The following MICAL2 variants were observed in gnomAD, a reference collection of about 807,000 sequenced individuals.
The protein encoded by MICAL2 is microtubule associated monooxygenase, calponin and LIM domain containing 2.
Under a neutral mutation model 127.3 loss-of-function variants are expected in MICAL2, and 77 were observed. The ratio of observed to expected loss-of-function variants is 0.60; its 90% CI spans 0.50 to 0.73. MICAL2 has a LOEUF of 0.73. Among genes scored for constraint, MICAL2 ranks in the 30% least tolerant of loss-of-function variants. The pLI, the probability that MICAL2 is intolerant of heterozygous loss-of-function variation, is 0.00. For missense variants in MICAL2, 1,351 were observed against 1,434.4 expected (o/e 0.94, Z 0.94); for synonymous variants, 570 against 551.1 (o/e 1.03, Z -0.48).
At position 12,319,246 on chromosome 11, in the gene MICAL2, C is replaced by T. The variant is rs150027051; in HGVS notation, c.5213-450C>T. On this transcript the variant is annotated intron_variant, in intron 29 of 34. Transcript: ENST00000646065. The stretch of plus-strand genomic sequence containing the variant: ...CCAGATGCTGTGAGCCGCAGAAGGG[C>T]GATTTGTTTAAGAGCTGGCTCCAAC... Among the ~76,000 whole-genome samples the T allele has an allele frequency of 2.4e-3, 372 of 152,132 alleles. 1 individual carries two copies. The highest frequency in any genetic ancestry group is 8.2e-3 in the African/African-American group (341 of 41,512).
intron 4 of MICAL2, among the ~76,000 whole-genome samples, chr11:12,206,556 C>G (rs1354275995): frequency 6.6e-6 from 1 of 152,132 alleles, no homozygotes; most frequent in African/African-American, 2.4e-5. Flanking sequence ...GGATTGGGCT[C>G]TTTAAGCTGA....
chr11:12,224,389 C>T (rs1036576999), intron 12 of MICAL2: 5 of 377,278 alleles, frequency 1.3e-5, no homozygotes, highest in Non-Finnish European at 2.4e-5. Flanking sequence ...TGACTATCTT[C>T]CCCACTAGAT....
intron 3 of MICAL2, among the ~76,000 whole-genome samples, chr11:12,170,513 C>A (rs906625935): frequency 2.0e-5 from 3 of 152,206 alleles, no homozygotes; most frequent in African/African-American, 7.2e-5. Flanking sequence ...GAGAAGAACA[C>A]CTATAAGTGT....
intron 22 of MICAL2, among the ~76,000 whole-genome samples, chr11:12,251,745 G>A (rs1383994931): frequency 2.6e-5 from 4 of 152,084 alleles, no homozygotes; most frequent in African/African-American, 9.7e-5. Context: ...TGTGCTGCAG[G>A]ACAATGGAGC....
At chr11:12,355,345 A>C (rs1216837870) in intron 34 of MICAL2, among the ~76,000 whole-genome samples, 2 of 152,182 alleles carry the variant, frequency 1.3e-5, no homozygotes, top group African/African-American at 4.8e-5. Flanking sequence ...GTTCCCTCCC[A>C]GCGTGGGCAG....
At chr11:12,327,137 A>G (rs1283909340) in intron 31 of MICAL2, 3 of 1,539,052 alleles carry the variant, frequency 1.9e-6, no homozygotes, top group Admixed American at 2.0e-5. Context: ...CTCTATGTGG[A>G]AAGTCCTTGT....
At chr11:12,230,381 A>G (rs1336774326) in intron 15 of MICAL2, among the ~76,000 whole-genome samples, 2 of 152,164 alleles carry the variant, frequency 1.3e-5, no homozygotes, top group Admixed American at 6.5e-5. Flanking sequence ...TATCAGTACA[A>G]CAAAACACGC....
chr11:12,118,945 G>A (rs1248758933), intron 1 of MICAL2, among the ~76,000 whole-genome samples: 1 of 152,092 alleles, frequency 6.6e-6, no homozygotes, highest in Non-Finnish European at 1.5e-5. Context: ...CCTCTGGATG[G>A]CTTTCTGAAA....
chr11:12,164,371 C>G (rs2016388), intron 3 of MICAL2, among the ~76,000 whole-genome samples: 142,805 of 152,214 alleles, frequency 0.94, 67,516 homozygotes, highest in Non-Finnish European at 1. Context: ...ATGCTGAGGA[C>G]TGGAAGATAC....
In MICAL2 at chr11:12,203,149, G is replaced by T. The variant is rs116176213; in HGVS notation, c.265-1101G>T. On this transcript the variant is annotated intron_variant, in intron 3 of 27. Coordinates refer to ENST00000683283, the MANE Select transcript of MICAL2 (RefSeq NM_001282663.2). ...TCCATTGTGCGGATATACCACATTT[G>T]GTTTCTTCATCAGTGGTGGCCATTT... Among the ~76,000 whole-genome samples the T allele has an allele frequency of 9.7e-3, 1,469 of 152,162 alleles. 29 individuals are homozygous for T. Among genetic ancestry groups the T allele is most frequent in the African/African-American group, 0.033 (1,388 of 41,480 alleles).
Position 12,319,947 on chromosome 11 carries a change from T to TC in MICAL2, c.5328+137dup, listed in dbSNP as rs1323042409. 2.7e-4 allele frequency: 165 copies of TC among 615,774 alleles called. 2 individuals carry two copies. The highest frequency in any genetic ancestry group is 7.5e-4 in the Admixed American group (25 of 33,116). The allele number at this position is 615,774 out of a possible 1,614,324, so 38.1% of individuals were successfully genotyped here. Reference sequence around the variant, plus strand: ...TGTTTCATTGCATCTGACAGAGTGCTCTCTTTACCTTGAACACCCAAAGAA... The same window carrying TC: ...TGTTTCATTGCATCTGACAGAGTGCTCCTCTTTACCTTGAACACCCAAAGAA... On this transcript the variant is annotated intron_variant, in intron 30 of 34. Transcript: ENST00000646065.
At chr11:12,209,074 A>G (rs1199270073) in intron 5 of MICAL2, among the ~76,000 whole-genome samples, 1 of 152,196 alleles carries the variant, frequency 6.6e-6, no homozygotes, top group Non-Finnish European at 1.5e-5. Flanking sequence ...TTTTGAGCAT[A>G]CAATAGAAAT....
rs1436821285 is a variant in MICAL2, at chr11:12,259,761, C to G, written c.3232-34C>G. ...TTGAAGTAGTCCTCTGGAAGACTTACAGACAAATGCCCTCATTTCCATCTC... is the reference window on the plus strand; with the variant it reads ...TTGAAGTAGTCCTCTGGAAGACTTAGAGACAAATGCCCTCATTTCCATCTC... On this transcript the variant is annotated intron_variant, in intron 25 of 27. Transcript: ENST00000683283. 1.3e-5 allele frequency: 20 copies of G among 1,511,526 alleles called. No individual in the cohort carries two copies. In the South Asian group the frequency reaches 2.2e-4, roughly 17 times the overall value. The allele number at this position is 1,511,526 out of a possible 1,614,324, so 93.6% of individuals were successfully genotyped here. A position where few individuals can be genotyped will look rare whatever the true frequency, so the allele number is the denominator to read the frequency against.
At chr11:12,264,971 G>T (rs1455812424), downstream of MICAL2, among the ~76,000 whole-genome samples, 2 of 152,190 alleles carry the variant, frequency 1.3e-5, no homozygotes, top group African/African-American at 4.8e-5. Context: ...GTGCTCATTT[G>T]TTTGCTCAAC....
rs11403732 is a variant in MICAL2 at position 12,180,349 on chromosome 11, A to ATATATATATATATATATATATTT, written c.264+17931_264+17932insATATATATATATATATATATTTT. The stretch of plus-strand genomic sequence containing the variant: ...TTTATATACATGTATATATGTATAT[A>ATATATATATATATATATATATTT]TTTTTTTTTTGGCAGGAAGGTTTCC... On this transcript the variant is annotated intron_variant, in intron 3 of 27. Transcript: ENST00000683283. Among the ~76,000 whole-genome samples, 8 of 139,708 alleles carry ATATATATATATATATATATATTT rather than the reference A, an allele frequency of 5.7e-5. 1 individual carries two copies. The highest frequency in any genetic ancestry group is 1.9e-4 in the African/African-American group (7 of 37,652). 91.7% of individuals were successfully genotyped at this position (139,708 alleles called of 152,430 possible).
chr11:12,340,949 GC>G (rs1938854864), intron 32 of MICAL2, among the ~76,000 whole-genome samples: 1 of 152,164 alleles, frequency 6.6e-6, no homozygotes, highest in South Asian at 2.1e-4. Context: ...TTGTGAGCTA[GC>G]TACTAGCATC....
downstream of MICAL2, chr11:12,292,052 T>C: frequency 6.9e-7 from 1 of 1,445,880 alleles, no homozygotes. Flanking sequence ...TTTCTGACTG[T>C]TTATAGAATT....
chr11:12,305,296 G>A (rs73422738), intron 29 of MICAL2, among the ~76,000 whole-genome samples: 2,452 of 152,208 alleles, frequency 0.016, 54 homozygotes, highest in African/African-American at 0.055. Context: ...GAAGCAAAGC[G>A]GGAAGACCCC....
At chr11:12,262,416 T>TC (rs2134724147) in intron 26 of MICAL2, 64 bp from the exon 27 acceptor site, 1 of 1,607,268 alleles carries the variant, frequency 6.2e-7, no homozygotes, top group East Asian at 2.2e-5. Context: ...TTTCCTTTTT[T>TC]CCCCACACTA....
Sources: allele counts gnomAD v4.1 joint callset (sites outside exome capture counted in the v4.1 genomes callset), GRCh38; gene constraint gnomAD v4.1.1; transcripts MANE v1.5; gene names NCBI Gene and HGNC (gene_info 2026-07-23, HGNC 2026-07-21).